Variants in SCN8A observed in about 807,000 individuals in gnomAD.
SCN8A encodes sodium channel protein type 8 subunit alpha.
In SCN8A, 30 loss-of-function variants were observed where a neutral mutation model predicts 184.1. The ratio of observed to expected loss-of-function variants is 0.16; its 90% confidence interval spans 0.12 to 0.22. The LOEUF (loss-of-function observed/expected upper bound fraction) is 0.22, where lower values mean the gene tolerates loss of function less well. SCN8A is among the 10% of genes least tolerant of loss of function. The pLI is 1.00. For synonymous variants in SCN8A, 852 were observed against 907.0 expected (o/e 0.94, Z 1.09); for missense variants, 1,057 against 2,498.9 (o/e 0.42, Z 12.30).
At chr12:51,623,621 TTTA>T (rs986093450) in intron 1 of SCN8A, among the ~76,000 whole-genome samples, 71 of 152,342 alleles carry the variant, frequency 4.7e-4, no homozygotes, top group African/African-American at 1.6e-3. Context: ...TTTCTTTTTT[TTTA>T]TTATTATACT....
chr12:51,654,751 G>T (rs565017762), intron 1 of SCN8A, among the ~76,000 whole-genome samples: 1 of 152,076 alleles, frequency 6.6e-6, no homozygotes, highest in South Asian at 2.1e-4. Context: ...GCCTCAAGCA[G>T]TCTTCCTGCT....
intron 1 of SCN8A, among the ~76,000 whole-genome samples, chr12:51,651,667 G>C (rs1474910903): frequency 1.3e-5 from 2 of 152,220 alleles, no homozygotes; most frequent in South Asian, 2.1e-4. Context: ...TTCCCACAAC[G>C]TGGGAATTAT....
chr12:51,724,890 GGAGAAAAAAATTGA>G (rs1345368532), intron 12 of SCN8A, among the ~76,000 whole-genome samples: 1 of 152,136 alleles, frequency 6.6e-6, no homozygotes, highest in Non-Finnish European at 1.5e-5. Context: ...ACACTGTGTG[GGAGAAAAAAATTGA>G]GAGTCAGTTA....
At chr12:51,744,439 C>G (rs1268473375) in intron 12 of SCN8A, among the ~76,000 whole-genome samples, 4 of 152,156 alleles carry the variant, frequency 2.6e-5, no homozygotes, top group Non-Finnish European at 5.9e-5. Flanking sequence ...TGGCCACCAC[C>G]ACAAGTCATT....
rs180825873 is a variant in SCN8A at position 51,614,887 on chromosome 12, T to G, written c.-55+23528T>G. ...AACATTTTACATGAGATGTACCCTC[T>G]TAACAAATTTTAAGTGTACAATACA... On this transcript the variant is annotated intron_variant, in intron 1 of 26. Transcript: ENST00000627620. Among the ~76,000 whole-genome samples the G allele has an allele frequency of 6.1e-3, 923 of 152,062 alleles. 8 individuals are homozygous for G. Among genetic ancestry groups the G allele is most frequent in the African/African-American group, 0.021 (868 of 41,518 alleles).
At chr12:51,735,401 G>A (rs1942308287) in intron 12 of SCN8A, among the ~76,000 whole-genome samples, 1 of 152,112 alleles carries the variant, frequency 6.6e-6, no homozygotes, top group African/African-American at 2.4e-5. Flanking sequence ...GTCCAATCCT[G>A]TTTACAAATA....
intron 7 of SCN8A, 139 bp from the exon 8 acceptor site, chr12:51,701,002 TATC>T: frequency 2.0e-6 from 1 of 494,608 alleles, no homozygotes. Flanking sequence ...AAAGAATTCT[TATC>T]AGCTGTCACA....
intron 11 of SCN8A, chr12:51,712,825 C>G: frequency 8.2e-7 from 1 of 1,226,904 alleles, no homozygotes; most frequent in Non-Finnish European, 1.2e-6. Context: ...ATCACCTCCT[C>G]CATAACTACC....
chr12:51,726,889 A>G (rs1942163588), intron 12 of SCN8A, among the ~76,000 whole-genome samples: 1 of 152,212 alleles, frequency 6.6e-6, no homozygotes, highest in Admixed American at 6.5e-5. Flanking sequence ...ATTTTAAAGC[A>G]AAACACTATG....
chr12:51,766,359 C>G (rs1304441452), intron 16 of SCN8A: 11 of 351,742 alleles, frequency 3.1e-5, no homozygotes, highest in Admixed American at 8.8e-5. Context: ...CCTACAGAAG[C>G]CTTCCTTTTT....
At chr12:51,628,311 C>T (rs972614199) in intron 1 of SCN8A, among the ~76,000 whole-genome samples, 3 of 152,296 alleles carry the variant, frequency 2.0e-5, no homozygotes, top group Non-Finnish European at 2.9e-5. Flanking sequence ...AGAAGTGACT[C>T]ATTGTGATTA....
At chr12:51,711,847 A>G (rs2088973261) in intron 11 of SCN8A, among the ~76,000 whole-genome samples, 2 of 152,008 alleles carry the variant, frequency 1.3e-5, no homozygotes, top group African/African-American at 4.8e-5. Context: ...CAAATTATCT[A>G]TTCTCTCCAC....
At chr12:51,703,523 A>G (rs1370493728) in intron 9 of SCN8A, among the ~76,000 whole-genome samples, 3 of 152,220 alleles carry the variant, frequency 2.0e-5, no homozygotes, top group Non-Finnish European at 4.4e-5. Flanking sequence ...GAGTATATCA[A>G]CATTTTTGAG....
intron 11 of SCN8A, chr12:51,712,522 G>T: frequency 1.3e-6 from 1 of 773,964 alleles, no homozygotes. Flanking sequence ...CACCACCATA[G>T]GGACTGCCCG....
Position 51,721,867 on chromosome 12 carries a change from G to A in SCN8A, c.1957G>A (p.Gly653Ser), listed in dbSNP as rs1020814791. The stretch of plus-strand genomic sequence containing the variant: ...CTGCAACGGCGTGGTGTCCCTCATC[G>A]GCGGCCCCGGCTCCCACATCGGCGG... Reference protein sequence around the residue: ...VDCNGVVSLIGGPGSHIGGRL... With the variant: ...VDCNGVVSLISGPGSHIGGRL... The change falls in exon 12 of 27, where the codon GGC becomes AGC. Residue 653 changes from glycine (G) to serine (S), a missense_variant. Transcript: ENST00000627620. 4 of 1,602,246 alleles carry A rather than the reference G, an allele frequency of 2.5e-6. No individual in the cohort carries two copies. Among genetic ancestry groups the A allele is most frequent in the Non-Finnish European group, 3.4e-6 (4 of 1,179,810 alleles).
chr12:51,734,438 A>G (rs1342485117), intron 12 of SCN8A, among the ~76,000 whole-genome samples: 1 of 152,284 alleles, frequency 6.6e-6, no homozygotes, highest in African/African-American at 2.4e-5. Context: ...GGGAAGGGCC[A>G]AATTAAAGGA....
chr12:51,773,158 T>C (rs142735687), intron 19 of SCN8A, among the ~76,000 whole-genome samples: 51 of 151,226 alleles, frequency 3.4e-4, no homozygotes, highest in Admixed American at 2.7e-3. Flanking sequence ...CTGATATCCA[T>C]GTGCCTCCAT....
intron 1 of SCN8A, among the ~76,000 whole-genome samples, chr12:51,645,888 C>G (rs1417218551): frequency 6.7e-6 from 1 of 148,220 alleles, no homozygotes; most frequent in Non-Finnish European, 1.5e-5. Flanking sequence ...GACCTTCCCT[C>G]CACTATTGTC....
chr12:51,771,182 C>T (rs1021952234), intron 19 of SCN8A, among the ~76,000 whole-genome samples: 11 of 152,188 alleles, frequency 7.2e-5, no homozygotes, highest in African/African-American at 2.7e-4. Flanking sequence ...CCTGAACACA[C>T]AGGCTCCTCC....
Sources: allele counts gnomAD v4.1 joint callset (sites outside exome capture counted in the v4.1 genomes callset), GRCh38; gene constraint gnomAD v4.1.1; transcripts MANE v1.5; gene names NCBI Gene and HGNC (gene_info 2026-07-23, HGNC 2026-07-21).